The following ADAMTS17 variants were observed in gnomAD, a reference collection of about 807,000 sequenced individuals.
The protein encoded by ADAMTS17 is A disintegrin and metalloproteinase with thrombospondin motifs 17.
In ADAMTS17, 113 loss-of-function variants were observed where a neutral mutation model predicts 141.5. The observed-to-expected ratio is 0.80, with a 90% confidence interval of 0.69 to 0.93. ADAMTS17 has a LOEUF of 0.93. Ranked by LOEUF, ADAMTS17 falls within the 40% of genes least tolerant of loss-of-function variation. ADAMTS17 has a pLI of 0.00. For synonymous variants in ADAMTS17, 768 were observed against 630.6 expected (o/e 1.22, Z -3.27); for missense variants, 1,659 against 1,517.9 (o/e 1.09, Z -1.54).
chr15:100,017,941 A>C (rs1433417183), intron 18 of ADAMTS17, among the ~76,000 whole-genome samples: 1 of 152,190 alleles, frequency 6.6e-6, no homozygotes, highest in East Asian at 1.9e-4. Flanking sequence ...CATCAAATCC[A>C]TTTGTAAGCT....
chr15:100,100,703 G>A (rs947120054), intron 14 of ADAMTS17, among the ~76,000 whole-genome samples: 1 of 152,086 alleles, frequency 6.6e-6, no homozygotes, highest in African/African-American at 2.4e-5. Context: ...TCCTTAATCA[G>A]GACATGAACT....
At chr15:100,057,714 G>C (rs779475439) in intron 15 of ADAMTS17, among the ~76,000 whole-genome samples, 6 of 152,158 alleles carry the variant, frequency 3.9e-5, no homozygotes, top group Non-Finnish European at 7.4e-5. Flanking sequence ...CAAACAGGGG[G>C]ACTTTTGTTC....
At chr15:100,295,404 G>A (rs911462488) in intron 3 of ADAMTS17, among the ~76,000 whole-genome samples, 1 of 152,182 alleles carries the variant, frequency 6.6e-6, no homozygotes, top group Non-Finnish European at 1.5e-5. Context: ...AGGAGGTGAG[G>A]AGATGGGGTT....
At chr15:100,341,755 G>C (rs1451602771) in intron 1 of ADAMTS17, 66 bp downstream of exon 1, 1 of 1,508,278 alleles carries the variant, frequency 6.6e-7, no homozygotes, top group African/African-American at 1.5e-5. Flanking sequence ...CCAGGACGCC[G>C]CGAGAACGCA....
chr15:100,008,017 A>T (rs1240292182), intron 18 of ADAMTS17, among the ~76,000 whole-genome samples: 1 of 152,090 alleles, frequency 6.6e-6, no homozygotes, highest in Non-Finnish European at 1.5e-5. Context: ...CTGCACCTGT[A>T]GTGCTGGGGC....
chr15:100,270,639 G>A (rs1040008324), intron 4 of ADAMTS17, among the ~76,000 whole-genome samples: 5 of 151,328 alleles, frequency 3.3e-5, no homozygotes, highest in African/African-American at 7.3e-5. Flanking sequence ...TCCTGCATGC[G>A]TACCAGGCAC....
At chr15:100,058,409 T>C (rs1168949653) in intron 15 of ADAMTS17, among the ~76,000 whole-genome samples, 2 of 102,402 alleles carry the variant, frequency 2.0e-5, no homozygotes, top group East Asian at 5.0e-4. Flanking sequence ...TGACTCTTTC[T>C]CCACTGGCCT....
At chr15:100,301,228 G>A (rs947428101) in intron 3 of ADAMTS17, among the ~76,000 whole-genome samples, 2 of 151,948 alleles carry the variant, frequency 1.3e-5, no homozygotes, top group African/African-American at 4.8e-5. Flanking sequence ...TTCAACTGGG[G>A]ATTTTAACAC....
chr15:100,223,454 G>A (rs2042197292), intron 7 of ADAMTS17, among the ~76,000 whole-genome samples: 2 of 151,724 alleles, frequency 1.3e-5, no homozygotes, highest in African/African-American at 4.8e-5. Flanking sequence ...GTTTCAAAGT[G>A]CTCTCTCTCT....
intron 7 of ADAMTS17, among the ~76,000 whole-genome samples, chr15:100,248,444 G>C (rs972297660): frequency 6.6e-6 from 1 of 152,182 alleles, no homozygotes; most frequent in African/African-American, 2.4e-5. Context: ...ATCTGGAAGA[G>C]GAACGCAAAG....
chr15:100,099,808 C>T (rs1270031798), intron 14 of ADAMTS17, among the ~76,000 whole-genome samples: 1 of 152,192 alleles, frequency 6.6e-6, no homozygotes, highest in South Asian at 2.1e-4. Flanking sequence ...GTCAAGACAG[C>T]TCCTGAGAAA....
intron 21 of ADAMTS17, among the ~76,000 whole-genome samples, chr15:99,975,057 GACA>G (rs1211788143): frequency 3.3e-5 from 5 of 152,168 alleles, no homozygotes; most frequent in African/African-American, 4.8e-5. Flanking sequence ...TGCTTGAAAA[GACA>G]CAACTATACT....
chr15:100,182,336 A>G (rs901081368), intron 8 of ADAMTS17, among the ~76,000 whole-genome samples: 1 of 152,126 alleles, frequency 6.6e-6, no homozygotes, highest in African/African-American at 2.4e-5. Flanking sequence ...GCATGGGGAA[A>G]CCACCCACCA....
At chr15:100,291,354 C>G (rs1377960069) in intron 3 of ADAMTS17, among the ~76,000 whole-genome samples, 1 of 152,184 alleles carries the variant, frequency 6.6e-6, no homozygotes, top group Non-Finnish European at 1.5e-5. Context: ...CTAGCAGATG[C>G]TGGCGAGGTT....
At chr15:100,294,324 C>G (rs1046550444) in intron 3 of ADAMTS17, among the ~76,000 whole-genome samples, 1 of 152,164 alleles carries the variant, frequency 6.6e-6, no homozygotes, top group African/African-American at 2.4e-5. Context: ...GAGCTCCAGT[C>G]TGAACACTCA....
chr15:100,239,553 A>G (rs932116686), intron 7 of ADAMTS17, among the ~76,000 whole-genome samples: 69 of 152,250 alleles, frequency 4.5e-4, no homozygotes, highest in African/African-American at 1.3e-3. Flanking sequence ...AGAAGAGGCT[A>G]CCCTTTGTGG....
chr15:100,088,246 C>T (rs985920067), intron 15 of ADAMTS17, among the ~76,000 whole-genome samples: 18 of 152,102 alleles, frequency 1.2e-4, no homozygotes, highest in African/African-American at 4.3e-4. Flanking sequence ...ACAATTGCTT[C>T]AAAGAGAATA....
At chr15:100,341,733 G>T in intron 1 of ADAMTS17, 88 bp downstream of exon 1, 1 of 1,458,928 alleles carries the variant, frequency 6.9e-7, no homozygotes, top group East Asian at 2.9e-5. Flanking sequence ...TCCCGCCGCC[G>T]CCCCCGGGCC....
intron 14 of ADAMTS17, among the ~76,000 whole-genome samples, chr15:100,102,153 T>G (rs562649003): frequency 6.6e-6 from 1 of 152,370 alleles, no homozygotes; most frequent in South Asian, 2.1e-4. Flanking sequence ...ATCTCAATTT[T>G]CTGCCAGGGT....
Sources: allele counts gnomAD v4.1 joint callset (sites outside exome capture counted in the v4.1 genomes callset), GRCh38; gene constraint gnomAD v4.1.1; transcripts MANE v1.5; gene names NCBI Gene and HGNC (gene_info 2026-07-23, HGNC 2026-07-21).